The following MTOR variants were observed in gnomAD, a reference collection of about 807,000 sequenced individuals.
MTOR encodes serine/threonine-protein kinase mTOR.
A neutral mutation model predicts 319.8 loss-of-function variants in MTOR; 70 were observed. That is an observed-to-expected ratio of 0.22 (90% CI 0.18 to 0.27). The LOEUF (loss-of-function observed/expected upper bound fraction) is 0.27, where lower values mean the gene tolerates loss of function less well. Ranked by LOEUF, MTOR falls within the 10% of genes least tolerant of loss-of-function variation. MTOR has a pLI of 1.00. For missense variants in MTOR, 1,890 were observed against 3,274.4 expected (o/e 0.58, Z 10.32); for synonymous variants, 1,183 against 1,211.4 (o/e 0.98, Z 0.49).
intron 38 of MTOR, 84 bp downstream of exon 38, chr1:11,132,996 G>A: frequency 2.5e-6 from 3 of 1,177,828 alleles, no homozygotes; most frequent in Middle Eastern, 5.6e-4. Flanking sequence ...TAGCTCCGCA[G>A]AAGCTCAGCT....
At position 11,128,111 on chromosome 1, in the gene MTOR, G is replaced by A. The variant is rs942646356; in HGVS notation, c.5926C>T (p.Leu1976=). 6.2e-7 allele frequency: 1 copy of A among 1,614,192 alleles called. No homozygotes were observed. Among genetic ancestry groups the A allele is most frequent in the Non-Finnish European group, 8.5e-7 (1 of 1,180,024 alleles). Residue 1976 remains leucine (L), a synonymous_variant, in exon 43 of 58, where the codon CTG becomes TTG. Transcript: ENST00000361445. This position sits in a 1 kb window ranked among gnomAD's most constrained non-coding sequence, Gnocchi z 5.3. ...GTGGTAGACTTAGAAGCCACTGTCA[G>A]TGGGTAGATGAGGGCCTGAGGGAAA... ...RYHPQALIYP[L]TVASKSTTTA... is the part of the protein sequence containing the mutation.
chr1:11,135,632 C>T lies in MTOR; in HGVS notation c.5131-1166G>A, dbSNP rs558590671. On this transcript the variant is annotated intron_variant, in intron 36 of 57. Coordinates refer to ENST00000361445, the MANE Select transcript of MTOR (RefSeq NM_004958.4). ...GTGGATCACCTGAGGTCAGGAGTTC[C>T]AGACCAGCCTGGCCAACATGGTGAA... Among the ~76,000 whole-genome samples the T allele has an allele frequency of 2.7e-3, 400 of 146,288 alleles. 7 individuals carry two copies. The highest frequency in any genetic ancestry group is 9.5e-3 in the African/African-American group (378 of 39,600).
In MTOR at chr1:11,240,014, G is replaced by A. The variant is rs1166496408; in HGVS notation, c.1786+289C>T. 2.6e-5 allele frequency among the ~76,000 whole-genome samples: 4 copies of A among 152,058 alleles called. No homozygotes were observed. In the East Asian group the frequency reaches 7.7e-4, roughly 29 times the overall value. Reference sequence around the variant, plus strand: ...CATTACATACCATCTCAGCTACAAAGAAGTGGAAAAGTGAGGATGTGAGGG... The same window carrying A: ...CATTACATACCATCTCAGCTACAAAAAAGTGGAAAAGTGAGGATGTGAGGG... On this transcript the variant is annotated intron_variant, in intron 11 of 57. Coordinates refer to ENST00000361445, the MANE Select transcript of MTOR (RefSeq NM_004958.4).
At position 11,171,064 on chromosome 1, in the gene MTOR, G is replaced by A. The variant is rs368735322; in HGVS notation, c.4254-3547C>T. Among the ~76,000 whole-genome samples the A allele has an allele frequency of 1.1e-4, 17 of 150,496 alleles. 1 individual carries two copies. The East Asian group carries it at 1.8e-3, about 16-fold the overall frequency. On this transcript the variant is annotated intron_variant, in intron 28 of 57. Coordinates refer to ENST00000361445, the MANE Select transcript of MTOR (RefSeq NM_004958.4). ...ACAAAAATTAGCTGGGCGTGGTGGC[G>A]GGCACCTGTAATCCCAGCTACTCGG... is the stretch of plus-strand genomic sequence containing the variant.
At chr1:11,200,049 A>T (rs191036598) in intron 26 of MTOR, among the ~76,000 whole-genome samples, 141 of 152,350 alleles carry the variant, frequency 9.3e-4, no homozygotes, top group African/African-American at 3.2e-3. Context: ...AGAGCAGAGC[A>T]AAGTGACTTT....
Position 11,193,755 on chromosome 1 carries a change from G to A in MTOR, c.4253+5503C>T, listed in dbSNP as rs373447681. The A allele has an allele frequency of 4.3e-5, 69 of 1,613,992 alleles. No homozygotes were observed. The highest frequency in any genetic ancestry group is 2.5e-4 in the East Asian group (11 of 44,896). On this transcript the variant is annotated intron_variant, in intron 28 of 57. Transcript: ENST00000361445. Reference sequence around the variant, plus strand: ...CACCGGCTCTCCAGACAGCCAACCCGGCTGCGTGTAGAGATGGAGGTAAGC... The same window carrying A: ...CACCGGCTCTCCAGACAGCCAACCCAGCTGCGTGTAGAGATGGAGGTAAGC...
chr1:11,220,031 C>CAAAAAAAAAAAAAA (rs35124153), intron 19 of MTOR, among the ~76,000 whole-genome samples: 1 of 54,476 alleles, frequency 1.8e-5, no homozygotes, highest in Non-Finnish European at 3.4e-5. Context: ...GACTTGATCT[C>CAAAAAAAAAAAAAA]AAAAAAAAAA....
chr1:11,255,228 C>A (rs1650208523), intron 5 of MTOR, among the ~76,000 whole-genome samples: 1 of 151,444 alleles, frequency 6.6e-6, no homozygotes. Flanking sequence ...ACTAAAAACA[C>A]AAAAATTGGC....
chr1:11,250,020 C>A (rs1409307525), intron 6 of MTOR, among the ~76,000 whole-genome samples: 1 of 144,268 alleles, frequency 6.9e-6, no homozygotes, highest in African/African-American at 2.6e-5. Context: ...CCTCACCTCC[C>A]GGACGGGGTG....
At chr1:11,180,267 A>C (rs900667466) in intron 28 of MTOR, among the ~76,000 whole-genome samples, 1 of 152,218 alleles carries the variant, frequency 6.6e-6, no homozygotes, top group Non-Finnish European at 1.5e-5. Context: ...TTCTTCCAGC[A>C]GAGGTACAGA....
chr1:11,124,749 T>A, intron 46 of MTOR, 116 bp from the exon 47 acceptor site: 1 of 1,159,558 alleles, frequency 8.6e-7, no homozygotes, highest in South Asian at 2.5e-5. Context: ...TAATCACACG[T>A]TCCTCACAAA....
chr1:11,214,644 G>C (rs1243866591), intron 20 of MTOR, among the ~76,000 whole-genome samples: 1 of 152,158 alleles, frequency 6.6e-6, no homozygotes, highest in African/African-American at 2.4e-5. Flanking sequence ...ATTTAAAAAG[G>C]TATCTTTAAA....
chr1:11,257,067 C>G lies in MTOR; in HGVS notation c.370G>C (p.Glu124Gln). The change falls in exon 4 of 58, where the codon GAA becomes CAA. Residue 124 changes from glutamate (E) to glutamine (Q), a missense_variant. This residue lies in a region of MTOR where 81 missense variants were observed against 203.6 expected (regional missense o/e 0.40). Coordinates refer to ENST00000361445, the MANE Select transcript of MTOR (RefSeq NM_004958.4). ...LLPSNDPVVM[E>Q]MASKAIGRLA... ...CGGCCAATGGCCTTGGATGCCATTTCCATGACAACTGGGTCATTGGAGGGG... is the reference window on the plus strand; with the variant it reads ...CGGCCAATGGCCTTGGATGCCATTTGCATGACAACTGGGTCATTGGAGGGG... 6.2e-7 allele frequency: 1 copy of G among 1,614,136 alleles called. No homozygotes were observed. The highest frequency in any genetic ancestry group is 8.5e-7 in the Non-Finnish European group (1 of 1,180,018).
chr1:11,154,068 CAAAAAAAAAAAAAAAA>C (rs70977548), intron 30 of MTOR, among the ~76,000 whole-genome samples: 15 of 13,066 alleles, frequency 1.1e-3, no homozygotes, highest in South Asian at 0.011. Context: ...GACTCTGTCT[CAAAAAAAAAAAAAAAA>C]AAAAAAAAAA....
intron 34 of MTOR, 27 bp from the exon 35 acceptor site, chr1:11,139,685 A>G (rs745528634): frequency 2.5e-6 from 4 of 1,613,920 alleles, no homozygotes; most frequent in East Asian, 2.2e-5. Flanking sequence ...TGAAGATTAG[A>G]TATGTCTTCT....
Position 11,128,017 on chromosome 1 carries a change from T to C in MTOR, c.6020A>G (p.Gln2007Arg). The C allele has an allele frequency of 6.2e-7, 1 of 1,614,048 alleles. No individual in the cohort carries two copies. The highest frequency in any genetic ancestry group is 8.5e-7 in the Non-Finnish European group (1 of 1,180,042). The change falls in exon 43 of 58, where the codon CAG (glutamine) becomes CGG (arginine). Residue 2007 changes from glutamine to arginine, a missense_variant. Around this residue, in one of 15 missense-constraint regions of MTOR, gnomAD observed 249 missense variants for 596.2 expected, o/e 0.42. Transcript: ENST00000361445. This position sits in a 1 kb window ranked among gnomAD's most constrained non-coding sequence, Gnocchi z 5.3. ...NMCEHSNTLV[Q>R]QAMMVSEELI... ...GCTCCGACCCACCATCATGGCCTGCTGGACCAGGGTGTTGCTGTGCTCACA... is the reference window on the plus strand; with the variant it reads ...GCTCCGACCCACCATCATGGCCTGCCGGACCAGGGTGTTGCTGTGCTCACA...
intron 31 of MTOR, chr1:11,149,211 G>A (rs1162384074): frequency 6.6e-6 from 1 of 152,210 alleles, no homozygotes. Context: ...TTGGTTCTTT[G>A]AGTAGCATGT....
chr1:11,242,500 CAAAAAAAAAAAA>C (rs70977555), intron 9 of MTOR, among the ~76,000 whole-genome samples: 7 of 52,632 alleles, frequency 1.3e-4, no homozygotes, highest in Non-Finnish European at 2.2e-4. Context: ...GACTCCATCT[CAAAAAAAAAAAA>C]AAAAAAAAAA....
rs763627694 is a variant in MTOR, at chr1:11,128,150, T to C, written c.5911-24A>G. 2.5e-6 allele frequency: 4 copies of C among 1,612,430 alleles called. No individual in the cohort carries two copies. Among genetic ancestry groups the C allele is most frequent in the African/African-American group, 1.3e-5 (1 of 74,876 alleles). On this transcript the variant is annotated intron_variant, in intron 42 of 57. Coordinates refer to ENST00000361445, the MANE Select transcript of MTOR (RefSeq NM_004958.4). The surrounding 1 kb of genome is among the most constrained non-coding windows in gnomAD (Gnocchi z 5.3). ...GCCTGAGGGAAAAACAGAAGAAACA[T>C]CTATAAAGGAAATGTGGGTTGGGGA...
Sources: gnomAD v4.1 joint callset for allele counts (sites outside exome capture counted in the v4.1 genomes callset) on GRCh38, gnomAD v4.1.1 for gene constraint, gnomAD v4.1.1 regional missense constraint, Gnocchi (gnomAD v3.1) non-coding constraint, MANE v1.5 for transcripts, NCBI Gene and HGNC (gene_info 2026-07-23, HGNC 2026-07-21) for gene names.